ADGRV1: variants seen among roughly 807,000 people sequenced by gnomAD.
ADGRV1 encodes G-protein coupled receptor 98.
A neutral mutation model predicts 596.2 loss-of-function variants in ADGRV1; 359 were observed. That is an observed-to-expected ratio of 0.60 (90% CI 0.55 to 0.66). ADGRV1 has a LOEUF of 0.66. Among genes scored for constraint, ADGRV1 ranks in the 30% least tolerant of loss-of-function variants. ADGRV1 has a pLI of 0.00. For synonymous variants in ADGRV1, 2,681 were observed against 2,679.2 expected (o/e 1.00, Z -0.02); for missense variants, 7,274 against 7,575.6 (o/e 0.96, Z 1.48).
chr5:91,160,439 A>G (rs1796848250), intron 89 of ADGRV1, among the ~76,000 whole-genome samples: 1 of 152,118 alleles, frequency 6.6e-6, no homozygotes, highest in African/African-American at 2.4e-5. Flanking sequence ...CTCAGCTAGC[A>G]CCTCTCATCC....
At chr5:90,576,629 A>G (rs753926610) in intron 1 of ADGRV1, among the ~76,000 whole-genome samples, 9 of 152,220 alleles carry the variant, frequency 5.9e-5, no homozygotes, top group Non-Finnish European at 8.8e-5. Flanking sequence ...GTATATACCC[A>G]CTAATGGGAT....
chr5:90,970,439 C>G (rs1214658856), intron 84 of ADGRV1, among the ~76,000 whole-genome samples: 7 of 152,198 alleles, frequency 4.6e-5, no homozygotes, highest in African/African-American at 1.2e-4. Flanking sequence ...AAGTGGGTCT[C>G]TGACCCCCAA....
At chr5:90,753,169 G>A (rs1755454612) in intron 53 of ADGRV1, among the ~76,000 whole-genome samples, 1 of 152,134 alleles carries the variant, frequency 6.6e-6, no homozygotes, top group Admixed American at 6.6e-5. Context: ...TTCAGAGTTA[G>A]TCAAAGGAAA....
Position 90,879,979 on chromosome 5 carries a change from ATTAT to A in ADGRV1, c.17856+16125_17856+16128del, listed in dbSNP as rs577591222. On this transcript the variant is annotated intron_variant, in intron 83 of 89. Coordinates refer to ENST00000405460, the MANE Select transcript of ADGRV1 (RefSeq NM_032119.4). The stretch of plus-strand genomic sequence containing the variant: ...ATAACAATAATAATAATAATTAATA[ATTAT>A]TTTAAGAAGCAATTTTTAGATTTCT... Among the ~76,000 whole-genome samples, 296 of 152,122 alleles carry A rather than the reference ATTAT, an allele frequency of 1.9e-3. 1 individual carries two copies. Among genetic ancestry groups the A allele is most frequent in the African/African-American group, 6.6e-3 (273 of 41,522 alleles).
chr5:91,095,677 C>G (rs537997534), intron 86 of ADGRV1, among the ~76,000 whole-genome samples: 86 of 152,166 alleles, frequency 5.7e-4, no homozygotes, highest in African/African-American at 1.9e-3. Context: ...GAATAAAGAC[C>G]TATGTTTTAG....
At chr5:90,602,803 T>A (rs1364143527) in intron 1 of ADGRV1, among the ~76,000 whole-genome samples, 1 of 152,228 alleles carries the variant, frequency 6.6e-6, no homozygotes, top group Non-Finnish European at 1.5e-5. Flanking sequence ...TTCTGTTGTG[T>A]TTTAGAAATG....
intron 50 of ADGRV1, among the ~76,000 whole-genome samples, chr5:90,743,515 A>G (rs114099251): frequency 0.019 from 2,588 of 136,154 alleles, 89 homozygotes; most frequent in African/African-American, 0.07. Flanking sequence ...TGTGTCGCCC[A>G]GGCTAGAGAG....
chr5:90,920,990 T>A (rs908809208), intron 83 of ADGRV1, among the ~76,000 whole-genome samples: 1 of 152,220 alleles, frequency 6.6e-6, no homozygotes, highest in Non-Finnish European at 1.5e-5. Flanking sequence ...GTGAACTATG[T>A]AAAAAGTGAG....
chr5:91,148,208 G>A (rs1228698621), intron 87 of ADGRV1, among the ~76,000 whole-genome samples: 1 of 152,198 alleles, frequency 6.6e-6, no homozygotes. Flanking sequence ...ATTTGAGCTG[G>A]CTGCAGAAAT....
rs368092861 is a variant in ADGRV1 at position 90,720,972 on chromosome 5, G to A, written c.9661G>A (p.Val3221Met). 26 of 1,611,532 alleles carry A rather than the reference G, an allele frequency of 1.6e-5. No homozygotes were observed. The highest frequency in any genetic ancestry group is 1.5e-4 in the African/African-American group (11 of 74,822). The change falls in exon 45 of 90, where the codon GTG (valine) becomes ATG (methionine). Residue 3221 changes from valine (V) to methionine (M), a missense_variant. Val to Met is a conservative substitution (Grantham distance 21, BLOSUM62 1). Around this residue, in one of 5 missense-constraint regions of ADGRV1, gnomAD observed 3,643 missense variants for 3,809.2 expected, o/e 0.96. Coordinates refer to ENST00000405460, the MANE Select transcript of ADGRV1 (RefSeq NM_032119.4). Reference protein sequence around the residue: ...SIDIEEANRTVYLNVSRTNGI... With the variant: ...SIDIEEANRTMYLNVSRTNGI... Reference sequence around the variant, plus strand: ...AGACATCGAAGAAGCCAATAGGACCGTGTATTTAAATGTATCTCGAACTAA... The same window carrying A: ...AGACATCGAAGAAGCCAATAGGACCATGTATTTAAATGTATCTCGAACTAA...
rs528424196 is a variant in ADGRV1 at position 91,133,067 on chromosome 5, G to A, written c.18433-16963G>A. Among the ~76,000 whole-genome samples the A allele has an allele frequency of 9.8e-5, 15 of 152,304 alleles. No individual in the cohort carries two copies. In the East Asian group the frequency reaches 2.1e-3, roughly 22 times the overall value. ...GAAGAGACTAGGGAGTGAGCTGATA[G>A]TGAGATTTTTGTCCAAGTGAAGGTG... On this transcript the variant is annotated intron_variant, in intron 87 of 89. Coordinates refer to ENST00000405460, the MANE Select transcript of ADGRV1 (RefSeq NM_032119.4).
intron 87 of ADGRV1, among the ~76,000 whole-genome samples, chr5:91,143,669 G>A (rs936190131): frequency 2.6e-5 from 4 of 152,160 alleles, no homozygotes; most frequent in Non-Finnish European, 5.9e-5. Context: ...CCTAGAAAAA[G>A]CACCATAAGT....
intron 50 of ADGRV1, among the ~76,000 whole-genome samples, chr5:90,738,172 A>C (rs1753493691): frequency 6.6e-6 from 1 of 152,076 alleles, no homozygotes; most frequent in African/African-American, 2.4e-5. Context: ...TAAATTGATA[A>C]AAAATTAACT....
intron 83 of ADGRV1, among the ~76,000 whole-genome samples, chr5:90,916,650 T>TTTTTTTTA (rs1773386041): frequency 6.7e-6 from 1 of 149,658 alleles, no homozygotes; most frequent in Non-Finnish European, 1.5e-5. Flanking sequence ...TTTTTTTTTT[T>TTTTTTTTA]GAGACGGAGT....
intron 84 of ADGRV1, among the ~76,000 whole-genome samples, chr5:90,976,380 A>G (rs34879738): frequency 0.24 from 34,477 of 143,560 alleles, 4,631 homozygotes; most frequent in Non-Finnish European, 0.31. Flanking sequence ...CTTTAAGTTT[A>G]CCATGCATGG....
At chr5:91,118,368 T>A (rs1793030075) in intron 87 of ADGRV1, among the ~76,000 whole-genome samples, 1 of 150,728 alleles carries the variant, frequency 6.6e-6, no homozygotes, top group African/African-American at 2.4e-5. Flanking sequence ...TTAAAGTAAT[T>A]GGCAAAAAAA....
At chr5:90,658,402 A>G (rs1769732951) in intron 21 of ADGRV1, 124 bp downstream of exon 21, 1 of 768,688 alleles carries the variant, frequency 1.3e-6, no homozygotes, top group African/African-American at 1.8e-5. Context: ...GAAGTATGCT[A>G]GGGCCAGTGA....
intron 85 of ADGRV1, among the ~76,000 whole-genome samples, chr5:91,007,623 TC>T: frequency 6.6e-6 from 1 of 152,204 alleles, no homozygotes; most frequent in Admixed American, 6.5e-5. Flanking sequence ...CTGAAAGACT[TC>T]CCCCTACCTT....
intron 85 of ADGRV1, among the ~76,000 whole-genome samples, chr5:91,061,439 A>G (rs1365940065): frequency 6.6e-6 from 1 of 152,190 alleles, no homozygotes; most frequent in Non-Finnish European, 1.5e-5. Context: ...CTTTGGAATT[A>G]TATGTAAATA....
Sources: gnomAD v4.1 joint callset for allele counts (sites outside exome capture counted in the v4.1 genomes callset) on GRCh38, gnomAD v4.1.1 for gene constraint, gnomAD v4.1.1 regional missense constraint, MANE v1.5 for transcripts, NCBI Gene and HGNC (gene_info 2026-07-23, HGNC 2026-07-21) for gene names.